Variants in OPCML observed in about 807,000 individuals in gnomAD.
OPCML encodes opioid binding protein/cell adhesion molecule like, also known as opioid-binding protein/cell adhesion molecule.
Under a neutral mutation model 37.8 loss-of-function variants are expected in OPCML, and 13 were observed. That is an observed-to-expected ratio of 0.34 (90% CI 0.22 to 0.55). The LOEUF is 0.55. Among genes scored for constraint, OPCML ranks in the 20% least tolerant of loss-of-function variants. OPCML has a pLI of 0.91. For missense variants in OPCML, 341 were observed against 435.6 expected (o/e 0.78, Z 1.93); for synonymous variants, 176 against 168.8 (o/e 1.04, Z -0.33).
chr11:132,480,188 C>G lies in OPCML; in HGVS notation c.506-42829G>C, dbSNP rs556993961. Among the ~76,000 whole-genome samples, 6 of 152,170 alleles carry G rather than the reference C, an allele frequency of 3.9e-5. No individual in the cohort carries two copies. In the South Asian group the frequency reaches 1.2e-3, roughly 32 times the overall value. ...GAAGTGCTTAAAGGAGCTGATGGAG[C>G]TGAAAACCAAGGCTTGAGAACTACA... On this transcript the variant is annotated intron_variant, in intron 4 of 7. Coordinates refer to ENST00000524381, the MANE Select transcript of OPCML (RefSeq NM_001012393.5).
chr11:132,540,804 C>G (rs1237193374), intron 3 of OPCML, among the ~76,000 whole-genome samples: 2 of 152,200 alleles, frequency 1.3e-5, no homozygotes, highest in Non-Finnish European at 2.9e-5. Flanking sequence ...TTTATAGACT[C>G]AGACACACAC....
At chr11:133,409,456 G>A (rs2136862386) in intron 1 of OPCML, among the ~76,000 whole-genome samples, 1 of 152,332 alleles carries the variant, frequency 6.6e-6, no homozygotes, top group Admixed American at 6.5e-5. Flanking sequence ...GAAGCTAAAA[G>A]CATCTAGTCT....
intron 1 of OPCML, among the ~76,000 whole-genome samples, chr11:132,965,980 A>G (rs550402659): frequency 6.6e-6 from 1 of 151,698 alleles, no homozygotes; most frequent in Non-Finnish European, 1.5e-5. Context: ...TTTTGTTGAT[A>G]TTTTCAAAGA....
intron 1 of OPCML, among the ~76,000 whole-genome samples, chr11:133,333,339 A>G (rs1368884639): frequency 6.6e-6 from 1 of 152,092 alleles, no homozygotes; most frequent in Non-Finnish European, 1.5e-5. Flanking sequence ...GATTACAGGC[A>G]TAACACAACC....
intron 1 of OPCML, among the ~76,000 whole-genome samples, chr11:133,275,636 G>A (rs1941971526): frequency 6.6e-6 from 1 of 152,176 alleles, no homozygotes; most frequent in Non-Finnish European, 1.5e-5. Flanking sequence ...AGAATGACAA[G>A]TTGAGATTAA....
intron 1 of OPCML, among the ~76,000 whole-genome samples, chr11:133,260,077 A>G (rs1295591086): frequency 1.3e-5 from 2 of 151,982 alleles, no homozygotes; most frequent in African/African-American, 4.8e-5. Context: ...TAATAGGTGG[A>G]TCAGCAATGA....
chr11:132,865,554 C>T (rs1942502367), intron 2 of OPCML, among the ~76,000 whole-genome samples: 2 of 152,148 alleles, frequency 1.3e-5, no homozygotes, highest in South Asian at 4.1e-4. Context: ...TCTGAAGCTG[C>T]CTGAATCCAG....
chr11:133,032,806 T>C (rs1247422902), intron 1 of OPCML, among the ~76,000 whole-genome samples: 1 of 152,120 alleles, frequency 6.6e-6, no homozygotes, highest in East Asian at 1.9e-4. Context: ...ACTCAAAGAC[T>C]CTAATACAAA....
intron 4 of OPCML, among the ~76,000 whole-genome samples, chr11:132,527,446 T>A (rs1199076122): frequency 6.6e-6 from 1 of 152,174 alleles, no homozygotes; most frequent in Non-Finnish European, 1.5e-5. Context: ...TAACGGTATC[T>A]CATCTTGGTT....
At chr11:132,892,195 GA>G (rs1943676944) in intron 2 of OPCML, among the ~76,000 whole-genome samples, 2 of 152,204 alleles carry the variant, frequency 1.3e-5, no homozygotes, top group Admixed American at 1.3e-4. Context: ...TGGAGAGCTG[GA>G]GAGGCTGGAA....
At chr11:132,792,891 C>T (rs556549529) in intron 2 of OPCML, among the ~76,000 whole-genome samples, 13 of 152,356 alleles carry the variant, frequency 8.5e-5, no homozygotes, top group African/African-American at 2.9e-4. Flanking sequence ...TCTGTCTAAT[C>T]CCTACCTGAT....
At chr11:133,315,429 C>T (rs540358090) in intron 1 of OPCML, among the ~76,000 whole-genome samples, 27 of 152,282 alleles carry the variant, frequency 1.8e-4, no homozygotes, top group Middle Eastern at 6.8e-3. Context: ...TAGCACTAAA[C>T]TAGAAAATCT....
intron 2 of OPCML, among the ~76,000 whole-genome samples, chr11:132,709,585 G>A (rs1944176319): frequency 6.6e-6 from 1 of 152,166 alleles, no homozygotes; most frequent in South Asian, 2.1e-4. Context: ...TTGAAGAGGA[G>A]TGACCAGGTA....
At chr11:132,482,315 T>C (rs1426408749) in intron 4 of OPCML, among the ~76,000 whole-genome samples, 4 of 151,662 alleles carry the variant, frequency 2.6e-5, no homozygotes, top group Non-Finnish European at 5.9e-5. Context: ...AACTAGAAAA[T>C]CTAGAAGAAA....
chr11:132,932,168 G>A (rs1219251396), intron 2 of OPCML, among the ~76,000 whole-genome samples: 2 of 152,136 alleles, frequency 1.3e-5, no homozygotes, highest in African/African-American at 4.8e-5. Flanking sequence ...AGAATGGGGA[G>A]TTATTGTTTA....
intron 1 of OPCML, among the ~76,000 whole-genome samples, chr11:133,397,157 T>C (rs1263363544): frequency 1.3e-5 from 2 of 152,178 alleles, no homozygotes; most frequent in Non-Finnish European, 2.9e-5. Flanking sequence ...CATTTCCAAG[T>C]GAATGTGAGT....
chr11:132,474,994 A>G (rs372204926), intron 4 of OPCML, among the ~76,000 whole-genome samples: 18 of 152,284 alleles, frequency 1.2e-4, no homozygotes, highest in African/African-American at 4.1e-4. Context: ...ATTACTGGAA[A>G]TACTGCTCCC....
At chr11:133,526,876 G>A (rs1383505247) in intron 1 of OPCML, among the ~76,000 whole-genome samples, 1 of 152,230 alleles carries the variant, frequency 6.6e-6, no homozygotes, top group Admixed American at 6.5e-5. Context: ...CCGCCCCAAG[G>A]TGAAGCCACC....
At chr11:132,877,687 G>A (rs1943070781) in intron 2 of OPCML, among the ~76,000 whole-genome samples, 1 of 152,112 alleles carries the variant, frequency 6.6e-6, no homozygotes, top group African/African-American at 2.4e-5. Context: ...ATTATACTCA[G>A]GTGAAATCTG....
Sources: gnomAD v4.1 joint callset for allele counts (sites outside exome capture counted in the v4.1 genomes callset) on GRCh38, gnomAD v4.1.1 for gene constraint, MANE v1.5 for transcripts, NCBI Gene and HGNC (gene_info 2026-07-23, HGNC 2026-07-21) for gene names.